Variants in NRK observed in about 807,000 individuals in gnomAD.
NRK encodes the protein nik-related protein kinase.
Under a neutral mutation model 125.2 loss-of-function variants are expected in NRK, and 67 were observed. The ratio of observed to expected loss-of-function variants is 0.54; its 90% confidence interval spans 0.44 to 0.66. The LOEUF is 0.66. Among genes scored for constraint, NRK ranks in the 30% least tolerant of loss-of-function variants. The pLI is 0.00. For missense variants in NRK, 1,224 were observed against 1,192.9 expected (o/e 1.03, Z -0.38); for synonymous variants, 458 against 429.0 (o/e 1.07, Z -0.84).
intron 4 of NRK, 90 bp from the exon 5 acceptor site, chrX:105,888,204 G>C: frequency 1.4e-6 from 1 of 694,932 alleles, no homozygotes; most frequent in Non-Finnish European, 2.0e-6. Flanking sequence ...GTTGCCATAG[G>C]ATTCTCCTTC....
At chrX:105,938,029 C>G in intron 22 of NRK, among the ~76,000 whole-genome samples, 1 of 111,700 alleles carries the variant, frequency 9.0e-6, no homozygotes, top group East Asian at 2.9e-4. Flanking sequence ...GAGTTTGTAA[C>G]AAGAATGGAT....
intron 8 of NRK, among the ~76,000 whole-genome samples, chrX:105,900,358 A>G (rs1320803252): frequency 9.0e-6 from 1 of 111,720 alleles, no homozygotes; most frequent in Non-Finnish European, 1.9e-5. Context: ...TAAAACGATA[A>G]TATCAATGCA....
chrX:105,881,017 G>C (rs772210160), intron 3 of NRK, among the ~76,000 whole-genome samples: 3 of 111,623 alleles, frequency 2.7e-5, no homozygotes, highest in Non-Finnish European at 5.7e-5. Context: ...ATTTGTGCAG[G>C]AAGTGAATTG....
At chrX:105,929,442 A>AT (rs966236298) in intron 19 of NRK, among the ~76,000 whole-genome samples, 5 of 109,082 alleles carry the variant, frequency 4.6e-5, no homozygotes, top group Non-Finnish European at 7.7e-5. Context: ...TTTTATTTTT[A>AT]TTTTTTTTAC....
At chrX:105,841,639 C>T (rs950665082) in intron 2 of NRK, among the ~76,000 whole-genome samples, 5 of 111,255 alleles carry the variant, frequency 4.5e-5, no homozygotes, top group African/African-American at 1.6e-4. Flanking sequence ...AAATCATTAA[C>T]TCTGAAGAGA....
Position 105,939,869 on chromosome X carries a change from A to G in NRK, c.3800-5A>G. The G allele has an allele frequency of 9.1e-7, 1 of 1,096,947 alleles. No individual in the cohort carries two copies. The highest frequency in any genetic ancestry group is 1.2e-6 in the Non-Finnish European group (1 of 806,808). 90.4% of individuals were successfully genotyped at this position (1,096,947 alleles called of 1,213,427 possible). A position where few individuals can be genotyped will look rare whatever the true frequency, so the allele number is the denominator to read the frequency against. The stretch of plus-strand genomic sequence containing the variant: ...TTAAATACTGTATATTTTCTTATCT[A>G]TCAGGTCATAAGAACAGACTTCGGG... On this transcript the variant is annotated splice_polypyrimidine_tract_variant and splice_region_variant and intron_variant, in intron 22 of 28. Transcript: ENST00000243300.
At chrX:105,847,203 T>G (rs2039414562) in intron 2 of NRK, among the ~76,000 whole-genome samples, 1 of 112,253 alleles carries the variant, frequency 8.9e-6, no homozygotes. Context: ...ACATTTATAA[T>G]GAGGATCCAA....
At chrX:105,875,665 A>G (rs1323030559) in intron 2 of NRK, among the ~76,000 whole-genome samples, 1 of 110,191 alleles carries the variant, frequency 9.1e-6, no homozygotes, top group Non-Finnish European at 1.9e-5. Context: ...TATTATTATT[A>G]TTAACTAAAC....
At position 105,908,899 on chromosome X, in the gene NRK, C is replaced by A; in HGVS notation, c.1258C>A (p.Gln420Lys). 1.7e-6 allele frequency: 2 copies of A among 1,210,793 alleles called. No individual in the cohort carries two copies. Among genetic ancestry groups the A allele is most frequent in the Non-Finnish European group, 1.1e-6 (1 of 894,726 alleles). Residue 420 changes from glutamine (Q) to lysine (K), a missense_variant, in exon 13 of 29, where the codon CAG (glutamine) becomes AAG (lysine). Transcript: ENST00000243300. ...AGCAGCCAGGGTATTCATGCCACTG[C>A]AGGCTCTGGACAGTGCACCTAAGCC... ...QGAARVFMPL[Q>K]ALDSAPKPLK...
At chrX:105,927,164 A>G (rs1267474906) in intron 19 of NRK, among the ~76,000 whole-genome samples, 1 of 109,850 alleles carries the variant, frequency 9.1e-6, no homozygotes, top group Non-Finnish European at 1.9e-5. Context: ...TCCTTCATCA[A>G]TGTTTTATAG....
intron 2 of NRK, among the ~76,000 whole-genome samples, chrX:105,859,993 G>C (rs767749488): frequency 8.9e-6 from 1 of 111,924 alleles, no homozygotes; most frequent in Non-Finnish European, 1.9e-5. Flanking sequence ...CTCTCACCCA[G>C]TACCTTGCCT....
intron 1 of NRK, among the ~76,000 whole-genome samples, chrX:105,825,997 C>A (rs1395484340): frequency 1.9e-5 from 2 of 103,037 alleles, no homozygotes; most frequent in African/African-American, 7.1e-5. Flanking sequence ...CCTTGCCCAC[C>A]AGCAATACCT....
intron 2 of NRK, among the ~76,000 whole-genome samples, chrX:105,878,950 T>C (rs1051434709): frequency 2.7e-5 from 3 of 111,458 alleles, no homozygotes; most frequent in African/African-American, 9.8e-5. Context: ...GACATAAGAA[T>C]TCTGAGTTGA....
At chrX:105,879,992 T>C (rs1227785257) in intron 2 of NRK, among the ~76,000 whole-genome samples, 3 of 110,912 alleles carry the variant, frequency 2.7e-5, no homozygotes, top group Non-Finnish European at 5.7e-5. Context: ...CGTCGAGTGT[T>C]TTGAGTGGGA....
chrX:105,952,975 T>A (rs1305970563), intron 27 of NRK, 59 bp from the exon 28 acceptor site: 6 of 983,153 alleles, frequency 6.1e-6, no homozygotes, highest in Non-Finnish European at 8.1e-6. Flanking sequence ...TAGTTATAAT[T>A]TTCTATGATG....
chrX:105,888,650 TC>T (rs1441888017), intron 5 of NRK, among the ~76,000 whole-genome samples: 1 of 111,161 alleles, frequency 9.0e-6, no homozygotes, highest in Non-Finnish European at 1.9e-5. Context: ...GAAAGAGTTT[TC>T]ATTGACTCAC....
chrX:105,887,109 T>G (rs1331809680), intron 4 of NRK, among the ~76,000 whole-genome samples: 2 of 111,932 alleles, frequency 1.8e-5, no homozygotes, highest in Non-Finnish European at 3.8e-5. Flanking sequence ...AATAAAAACT[T>G]TTGTGCTTCA....
chrX:105,909,714 G>A lies in NRK; in HGVS notation c.2073G>A (p.Leu691=). Residue 691 remains leucine, a synonymous_variant, in exon 13 of 29, where the codon CTG becomes CTA. Coordinates refer to ENST00000243300, the MANE Select transcript of NRK (RefSeq NM_198465.4). The stretch of plus-strand genomic sequence containing the variant: ...AGAAAAAATCAAAAGTTTCTACTCT[G>A]AGGCAAGCACTGGCAAAAAGACTAT... ...AREKKSKVST[L]RQALAKRLSP... 1.7e-6 allele frequency: 2 copies of A among 1,184,565 alleles called. No homozygotes were observed. Among genetic ancestry groups the A allele is most frequent in the African/African-American group, 3.5e-5 (2 of 57,111 alleles).
Position 105,881,724 on chromosome X carries a change from T to G in NRK, c.197T>G (p.Ile66Arg), listed in dbSNP as rs1427188031. Residue 66 changes from isoleucine to arginine, a missense_variant, in exon 4 of 29, where the codon ATA becomes AGA. Ile to Arg is a moderately conservative substitution (Grantham distance 97). Coordinates refer to ENST00000243300, the MANE Select transcript of NRK (RefSeq NM_198465.4). ...MNARKTPLPE[I>R]GRRVRVNKYQ... is the part of the protein sequence containing the mutation. ...TGGTTACAGACCCCTTTACCTGAAATAGGAAGGCGAGTGAGAGTGAATAAA... is the reference window on the plus strand; with the variant it reads ...TGGTTACAGACCCCTTTACCTGAAAGAGGAAGGCGAGTGAGAGTGAATAAA... The G allele has an allele frequency of 8.7e-7, 1 of 1,145,152 alleles. No homozygotes were observed. Among genetic ancestry groups the G allele is most frequent in the East Asian group, 3.2e-5 (1 of 31,291 alleles). 94.4% of individuals were successfully genotyped at this position (1,145,152 alleles called of 1,213,427 possible).
Sources: gnomAD v4.1 joint callset for allele counts (sites outside exome capture counted in the v4.1 genomes callset) on GRCh38, gnomAD v4.1.1 for gene constraint, MANE v1.5 for transcripts, NCBI Gene and HGNC (gene_info 2026-07-23, HGNC 2026-07-21) for gene names.